OR56A3: variants seen among roughly 807,000 people sequenced by gnomAD.
The protein encoded by OR56A3 is olfactory receptor 56A3.
OR56A3 carries 23 observed loss-of-function variants against 17.5 expected under a neutral mutation model. That is an observed-to-expected ratio of 1.32 (90% CI 0.95 to 1.87). The LOEUF (loss-of-function observed/expected upper bound fraction) is 1.87, where lower values mean the gene tolerates loss of function less well. Ranked by LOEUF, OR56A3 falls within the 40% of genes most tolerant of loss-of-function variation. The pLI, the probability that OR56A3 is intolerant of heterozygous loss-of-function variation, is 0.00. For missense variants in OR56A3, 366 were observed against 380.1 expected (o/e 0.96, Z 0.31); for synonymous variants, 175 against 150.6 (o/e 1.16, Z -1.19).
chr11:6,010,642 T>C, the OR56A3 span, among the ~76,000 whole-genome samples: 2 of 152,228 alleles, frequency 1.3e-5, no homozygotes, highest in Non-Finnish European at 2.9e-5. Context: ...GAAATTGTTA[T>C]TCTTTGCAGA....
the OR56A3 span, among the ~76,000 whole-genome samples, chr11:5,959,398 C>T: frequency 1.3e-5 from 2 of 151,984 alleles, no homozygotes; most frequent in Non-Finnish European, 2.9e-5. Context: ...TTTGCATTTC[C>T]CTGATGATTA....
chr11:6,010,786 T>C, the OR56A3 span, among the ~76,000 whole-genome samples: 1 of 152,038 alleles, frequency 6.6e-6, no homozygotes, highest in South Asian at 2.1e-4. Flanking sequence ...GGGATTTTTT[T>C]ATTCTTTCTA....
chr11:5,967,815 G>A, the OR56A3 span: 1 of 1,568,868 alleles, frequency 6.4e-7, no homozygotes, highest in East Asian at 2.3e-5. Context: ...CCTTAGCACA[G>A]TTTTCAAGAT....
At chr11:6,021,254 T>G in the OR56A3 span, 3 of 152,132 alleles carry the variant, frequency 2.0e-5, no homozygotes, top group East Asian at 5.8e-4. Context: ...TGAAGAAAGT[T>G]TTTGCTTTAG....
the OR56A3 span, among the ~76,000 whole-genome samples, chr11:6,013,526 T>G: frequency 6.6e-6 from 1 of 152,018 alleles, no homozygotes; most frequent in African/African-American, 2.4e-5. Flanking sequence ...CTTCCTGAGG[T>G]GCAGGAACCC....
the OR56A3 span, among the ~76,000 whole-genome samples, chr11:6,011,109 C>CTA: frequency 6.6e-6 from 1 of 151,870 alleles, no homozygotes; most frequent in Non-Finnish European, 1.5e-5. Context: ...AATACAATGT[C>CTA]TATCAGTCTT....
chr11:5,971,889 G>T, the OR56A3 span, among the ~76,000 whole-genome samples: 15 of 152,268 alleles, frequency 9.9e-5, no homozygotes, highest in South Asian at 2.9e-3. Flanking sequence ...CTCATTACAA[G>T]AAGTAGATAT....
the OR56A3 span, among the ~76,000 whole-genome samples, chr11:5,976,040 G>C: frequency 6.6e-6 from 1 of 151,870 alleles, no homozygotes; most frequent in African/African-American, 2.4e-5. Context: ...AAAAAAAGAA[G>C]ACACTCTTAG....
chr11:5,979,277 A>G, the OR56A3 span, among the ~76,000 whole-genome samples: 5 of 152,092 alleles, frequency 3.3e-5, no homozygotes, highest in Non-Finnish European at 7.4e-5. Flanking sequence ...TATTTGGAAT[A>G]GTTTCACTGG....
intron 2 of OR56A3, among the ~76,000 whole-genome samples, chr11:5,946,437 C>T (rs1301306184): frequency 1.3e-5 from 2 of 152,148 alleles, no homozygotes; most frequent in Middle Eastern, 3.2e-3. Flanking sequence ...CACTGAACTA[C>T]TGTCAGGAGA....
the OR56A3 span, among the ~76,000 whole-genome samples, chr11:6,018,082 C>G: frequency 2.0e-5 from 3 of 151,446 alleles, no homozygotes; most frequent in Admixed American, 6.6e-5. Flanking sequence ...CTGTAGCACC[C>G]AGATATATAA....
the OR56A3 span, chr11:5,967,812 A>G: frequency 1.3e-6 from 2 of 1,569,508 alleles, no homozygotes; most frequent in Non-Finnish European, 1.7e-6. Context: ...AATCCTTAGC[A>G]CAGTTTTCAA....
the OR56A3 span, among the ~76,000 whole-genome samples, chr11:5,966,893 A>AACACACACACACACACACAC: frequency 1.6e-4 from 24 of 147,234 alleles, no homozygotes; most frequent in African/African-American, 5.6e-4. Context: ...CACTTAAAGC[A>AACACACACACACACACACAC]ACACACACAC....
At chr11:5,982,915 A>C in the OR56A3 span, among the ~76,000 whole-genome samples, 1 of 152,264 alleles carries the variant, frequency 6.6e-6, no homozygotes, top group Non-Finnish European at 1.5e-5. Context: ...CAGCAACCCC[A>C]TGCAGGATTT....
chr11:6,007,721 G>C, the OR56A3 span, among the ~76,000 whole-genome samples: 1 of 152,184 alleles, frequency 6.6e-6, no homozygotes, highest in African/African-American at 2.4e-5. Flanking sequence ...CAGTAAGGAA[G>C]AAACTGAATC....
the OR56A3 span, chr11:5,994,546 G>T: frequency 4.2e-6 from 4 of 955,774 alleles, no homozygotes; most frequent in Admixed American, 3.4e-5. Context: ...GCTCCTCCTT[G>T]AGAGCCTCGA....
At chr11:6,010,509 A>G in the OR56A3 span, among the ~76,000 whole-genome samples, 1 of 152,230 alleles carries the variant, frequency 6.6e-6, no homozygotes, top group Non-Finnish European at 1.5e-5. Context: ...CTCCTTTTGC[A>G]GTTTCACCAT....
the OR56A3 span, among the ~76,000 whole-genome samples, chr11:5,962,719 T>C: frequency 6.6e-6 from 1 of 152,040 alleles, no homozygotes; most frequent in Non-Finnish European, 1.5e-5. Context: ...TTTGTATTTT[T>C]AGTAGAGATG....
chr11:5,963,632 T>C, the OR56A3 span, among the ~76,000 whole-genome samples: 1 of 152,160 alleles, frequency 6.6e-6, no homozygotes, highest in African/African-American at 2.4e-5. Flanking sequence ...ATCCCCTTTT[T>C]GTCTGAGCTT....
Sources: gnomAD v4.1 joint callset for allele counts (sites outside exome capture counted in the v4.1 genomes callset) on GRCh38, gnomAD v4.1.1 for gene constraint, MANE v1.5 for transcripts, NCBI Gene and HGNC (gene_info 2026-07-23, HGNC 2026-07-21) for gene names.